TRIP4: variants seen among roughly 807,000 people sequenced by gnomAD.
TRIP4 encodes activating signal cointegrator 1.
In TRIP4, 54 loss-of-function variants were observed where a neutral mutation model predicts 81.8. That is an observed-to-expected ratio of 0.66 (90% confidence interval 0.53 to 0.83). The LOEUF is 0.83. Among genes scored for constraint, TRIP4 ranks in the 40% least tolerant of loss-of-function variants. The pLI, the probability that TRIP4 is intolerant of heterozygous loss-of-function variation, is 0.00. For missense variants in TRIP4, 662 were observed against 683.6 expected (o/e 0.97, Z 0.35); for synonymous variants, 270 against 242.8 (o/e 1.11, Z -1.04).
At chr15:64,394,532 G>A (rs951764381) in intron 2 of TRIP4, among the ~76,000 whole-genome samples, 1 of 151,048 alleles carries the variant, frequency 6.6e-6, no homozygotes, top group East Asian at 1.9e-4. Context: ...GTGAACCTGG[G>A]AGGTGGAGCT....
intron 1 of TRIP4, chr15:64,393,513 A>G (rs1596334318): frequency 6.6e-6 from 1 of 152,050 alleles, no homozygotes; most frequent in Non-Finnish European, 1.5e-5. Flanking sequence ...TAATGATAAG[A>G]TGTTCACTGT....
intron 7 of TRIP4, among the ~76,000 whole-genome samples, chr15:64,413,805 C>G (rs548487536): frequency 2.0e-5 from 3 of 152,018 alleles, no homozygotes; most frequent in Admixed American, 6.6e-5. Context: ...CCAGGATGGT[C>G]TCGATCCCTT....
At chr15:64,442,130 G>A (rs1266135404) in intron 11 of TRIP4, among the ~76,000 whole-genome samples, 1 of 151,720 alleles carries the variant, frequency 6.6e-6, no homozygotes, top group African/African-American at 2.4e-5. Context: ...CAAGGACTTA[G>A]ACTTTTATTC....
intron 1 of TRIP4, among the ~76,000 whole-genome samples, chr15:64,391,375 T>C (rs1268529634): frequency 1.3e-5 from 2 of 151,874 alleles, no homozygotes; most frequent in African/African-American, 4.8e-5. Context: ...CAGGATGGTC[T>C]CGGTCTCCTG....
chr15:64,453,174 G>C (rs1421914242), intron 12 of TRIP4, among the ~76,000 whole-genome samples: 2 of 152,126 alleles, frequency 1.3e-5, no homozygotes, highest in Non-Finnish European at 2.9e-5. Flanking sequence ...CAGAGACTCT[G>C]TCTCAATAAA....
chr15:64,399,366 T>C (rs1891432408), intron 4 of TRIP4, among the ~76,000 whole-genome samples: 1 of 152,212 alleles, frequency 6.6e-6, no homozygotes, highest in African/African-American at 2.4e-5. Context: ...TCCTCCCATA[T>C]GGAGCTTTCT....
rs965525020 is a variant in TRIP4 at position 64,399,032 on chromosome 15, C to T, written c.618+1214C>T. Among the ~76,000 whole-genome samples, 3 of 144,908 alleles carry T rather than the reference C, an allele frequency of 2.1e-5. No homozygotes were observed. In the Admixed American group the frequency reaches 2.1e-4, roughly 10 times the overall value. The stretch of plus-strand genomic sequence containing the variant: ...TGGCACAATCTCGGCTCACTGCAAC[C>T]TCTGCCTCCTGGGTTCAAGCAATTC... On this transcript the variant is annotated intron_variant, in intron 4 of 12. Transcript: ENST00000261884.
chr15:64,408,332 T>C (rs908730763), intron 6 of TRIP4, among the ~76,000 whole-genome samples: 1 of 148,544 alleles, frequency 6.7e-6, no homozygotes, highest in South Asian at 2.2e-4. Context: ...CATCTCGGCT[T>C]ACTGCAAGCT....
At chr15:64,418,391 C>T (rs1891932710) in intron 8 of TRIP4, 150 bp from the exon 9 acceptor site, 2 of 847,958 alleles carry the variant, frequency 2.4e-6, no homozygotes, top group Admixed American at 3.2e-5. Flanking sequence ...GGATTACAGG[C>T]GTGAGCCACG....
At chr15:64,436,078 T>C (rs1439286347) in intron 11 of TRIP4, among the ~76,000 whole-genome samples, 1 of 151,936 alleles carries the variant, frequency 6.6e-6, no homozygotes, top group East Asian at 1.9e-4. Flanking sequence ...TTGGATCACC[T>C]GAGGTCAGGA....
chr15:64,394,454 AGTTAGCCAGGCATGGAGGCAG>A (rs1407514190), intron 2 of TRIP4, among the ~76,000 whole-genome samples: 2 of 152,076 alleles, frequency 1.3e-5, no homozygotes, highest in Non-Finnish European at 2.9e-5. Context: ...AAATACAAAA[AGTTAGCCAGGCATGGAGGCAG>A]GCGCCTGTAG....
At chr15:64,403,488 T>C (rs1251286139) in intron 5 of TRIP4, among the ~76,000 whole-genome samples, 4 of 152,160 alleles carry the variant, frequency 2.6e-5, no homozygotes, top group African/African-American at 4.8e-5. Context: ...AGAAAAACAA[T>C]ATACTCATTA....
chr15:64,397,697 C>T lies in TRIP4; in HGVS notation c.497C>T (p.Pro166Leu), dbSNP rs1286071062. Residue 166 changes from proline (P) to leucine (L), a missense_variant, in exon 4 of 13, where the codon CCT (proline) becomes CTT (leucine). Pro to Leu is a moderately conservative substitution (Grantham distance 98). Coordinates refer to ENST00000261884, the MANE Select transcript of TRIP4 (RefSeq NM_016213.5). ...EGQDRLAVLL[P>L]GRHPCDCLGQ... Reference sequence around the variant, plus strand: ...CAGGACAGGCTTGCAGTCCTGCTCCCTGGTCGTCACCCTTGTGATTGCCTG... The same window carrying T: ...CAGGACAGGCTTGCAGTCCTGCTCCTTGGTCGTCACCCTTGTGATTGCCTG... 2 of 1,614,236 alleles carry T rather than the reference C, an allele frequency of 1.2e-6. No individual in the cohort carries two copies. Among genetic ancestry groups the T allele is most frequent in the South Asian group, 2.2e-5 (2 of 91,084 alleles).
chr15:64,397,260 C>G (rs1298732634), intron 3 of TRIP4, among the ~76,000 whole-genome samples: 2 of 152,154 alleles, frequency 1.3e-5, no homozygotes, highest in East Asian at 3.9e-4. Flanking sequence ...CTGTGAATAT[C>G]ATCTGCTTTT....
intron 11 of TRIP4, among the ~76,000 whole-genome samples, chr15:64,439,405 C>T (rs1892467787): frequency 1.3e-5 from 2 of 151,746 alleles, no homozygotes; most frequent in Middle Eastern, 3.4e-3. Context: ...TATCTAGTTC[C>T]TCAAAATTCA....
intron 12 of TRIP4, among the ~76,000 whole-genome samples, chr15:64,454,374 T>C (rs1302341604): frequency 1.3e-5 from 2 of 152,166 alleles, no homozygotes; most frequent in Non-Finnish European, 2.9e-5. Flanking sequence ...ACATCAGTAA[T>C]ATACCTTTCA....
intron 4 of TRIP4, 116 bp from the exon 5 acceptor site, chr15:64,400,627 A>G: frequency 2.7e-6 from 2 of 747,790 alleles, no homozygotes; most frequent in Admixed American, 2.6e-5. Flanking sequence ...AAAAACACCA[A>G]TAGTCTCATT....
intron 9 of TRIP4, among the ~76,000 whole-genome samples, chr15:64,419,042 A>G (rs1319404209): frequency 1.3e-5 from 2 of 152,218 alleles, no homozygotes; most frequent in African/African-American, 4.8e-5. Flanking sequence ...AAGGAAATCT[A>G]TTGAAAAATC....
At chr15:64,404,908 A>G (rs1891589246) in intron 5 of TRIP4, among the ~76,000 whole-genome samples, 1 of 149,044 alleles carries the variant, frequency 6.7e-6, no homozygotes, top group Non-Finnish European at 1.5e-5. Flanking sequence ...CTAGTCTTGA[A>G]CTCCTAGGCT....
Sources: gnomAD v4.1 joint callset for allele counts (sites outside exome capture counted in the v4.1 genomes callset) on GRCh38, gnomAD v4.1.1 for gene constraint, MANE v1.5 for transcripts, NCBI Gene and HGNC (gene_info 2026-07-23, HGNC 2026-07-21) for gene names.